Variants in DCDC1 observed in about 807,000 individuals in gnomAD.
DCDC1 encodes the protein doublecortin domain containing 1.
DCDC1 carries 200 observed loss-of-function variants against 178.3 expected under a neutral mutation model. The observed-to-expected ratio is 1.12, with a 90% CI of 1.00 to 1.26. The LOEUF is 1.26. DCDC1 is among the 50% of genes most tolerant of loss of function. The pLI, the probability that DCDC1 is intolerant of heterozygous loss-of-function variation, is 0.00. For missense variants in DCDC1, 1,983 were observed against 1,749.2 expected (o/e 1.13, Z -2.38); for synonymous variants, 690 against 604.8 (o/e 1.14, Z -2.07).
rs1048303471 is a variant in DCDC1 at position 31,187,272 on chromosome 11, T to C, written c.1222-49488A>G. ...TCTAATGCCATTGGTGCATGCCAAT[T>C]TGACTGCAAAGGTAACTGGAGATTT... On this transcript the variant is annotated intron_variant, in intron 9 of 38. Coordinates refer to ENST00000684477, the MANE Select transcript of DCDC1 (RefSeq NM_001387274.1). Among the ~76,000 whole-genome samples, 6 of 152,194 alleles carry C rather than the reference T, an allele frequency of 3.9e-5. No homozygotes were observed. The East Asian group carries it at 1.2e-3, about 29-fold the overall frequency.
intron 8 of DCDC1, among the ~76,000 whole-genome samples, chr11:31,251,522 C>A (rs190511132): frequency 8.6e-4 from 130 of 152,036 alleles, no homozygotes; most frequent in African/African-American, 2.9e-3. Context: ...TCTATTGGAT[C>A]TCCAGCTTGC....
At chr11:31,146,744 C>T (rs184770468) in intron 9 of DCDC1, among the ~76,000 whole-genome samples, 20 of 152,276 alleles carry the variant, frequency 1.3e-4, no homozygotes, top group African/African-American at 3.8e-4. Context: ...TTCTAACGTC[C>T]GGCTGAAACA....
chr11:31,356,325 C>G (rs577837947), intron 1 of DCDC1, among the ~76,000 whole-genome samples: 1 of 152,188 alleles, frequency 6.6e-6, no homozygotes, highest in Non-Finnish European at 1.5e-5. Context: ...ACAACCTGCT[C>G]CTGAATGACT....
intron 2 of DCDC1, among the ~76,000 whole-genome samples, chr11:31,328,594 A>C (rs112615364): frequency 1.3e-5 from 2 of 152,030 alleles, no homozygotes; most frequent in African/African-American, 2.4e-5. Flanking sequence ...GTCAGGAGAT[A>C]GAGACCATCC....
intron 6 of DCDC1, among the ~76,000 whole-genome samples, chr11:31,293,207 A>C (rs1039604385): frequency 1.3e-5 from 2 of 152,160 alleles, no homozygotes; most frequent in African/African-American, 4.8e-5. Context: ...GGAGTATATT[A>C]ATTGTTACAT....
chr11:30,986,029 A>T (rs899455238), intron 20 of DCDC1, among the ~76,000 whole-genome samples: 10 of 152,126 alleles, frequency 6.6e-5, no homozygotes, highest in African/African-American at 2.4e-4. Flanking sequence ...AACATGATAG[A>T]GGTATGTTTT....
At chr11:31,358,739 C>A (rs1356821200) in intron 1 of DCDC1, among the ~76,000 whole-genome samples, 6 of 151,956 alleles carry the variant, frequency 3.9e-5, no homozygotes, top group Non-Finnish European at 7.4e-5. Flanking sequence ...AACAAATTTA[C>A]AAGAAAAAAA....
intron 23 of DCDC1, 26 bp from the exon 24 acceptor site, chr11:30,922,664 T>C (rs777726528): frequency 6.8e-6 from 10 of 1,475,020 alleles, no homozygotes; most frequent in Admixed American, 3.4e-5. Flanking sequence ...TCTCTTATCC[T>C]GTATATAATT....
At position 31,010,137 on chromosome 11, in the gene DCDC1, T is replaced by C. The variant is rs575306072; in HGVS notation, c.2591+54332A>G. 5.3e-5 allele frequency among the ~76,000 whole-genome samples: 8 copies of C among 152,352 alleles called. No individual in the cohort carries two copies. In the South Asian group the frequency reaches 1.7e-3, roughly 32 times the overall value. On this transcript the variant is annotated intron_variant, in intron 20 of 38. Coordinates refer to ENST00000684477, the MANE Select transcript of DCDC1 (RefSeq NM_001387274.1). ...GTCCACTGATTCAAATGCTAATCTCTTCTGGAAACACCCTGACAGATATCT... is the reference window on the plus strand; with the variant it reads ...GTCCACTGATTCAAATGCTAATCTCCTCTGGAAACACCCTGACAGATATCT...
At chr11:31,065,310 C>T (rs1021270871) in intron 18 of DCDC1, among the ~76,000 whole-genome samples, 157 bp from the exon 19 acceptor site, 53 of 152,180 alleles carry the variant, frequency 3.5e-4, no homozygotes, top group African/African-American at 1.3e-3. Context: ...CAGAATCAAG[C>T]CAAATGACTT....
intron 9 of DCDC1, among the ~76,000 whole-genome samples, chr11:31,141,561 T>G (rs995192660): frequency 6.6e-6 from 1 of 152,176 alleles, no homozygotes; most frequent in Non-Finnish European, 1.5e-5. Context: ...TTTCATGAGA[T>G]CAATAGATCA....
At chr11:31,341,663 C>T (rs1317049404) in intron 1 of DCDC1, among the ~76,000 whole-genome samples, 1 of 152,094 alleles carries the variant, frequency 6.6e-6, no homozygotes, top group East Asian at 1.9e-4. Context: ...TGTATCTAAA[C>T]ATAGAAAAAG....
chr11:30,897,112 G>C (rs1273537434), intron 34 of DCDC1, among the ~76,000 whole-genome samples: 1 of 152,066 alleles, frequency 6.6e-6, no homozygotes, highest in Non-Finnish European at 1.5e-5. Flanking sequence ...TGTTTTATAA[G>C]CATGTGTTGA....
chr11:30,874,280 C>A, intron 38 of DCDC1, among the ~76,000 whole-genome samples: 1 of 152,134 alleles, frequency 6.6e-6, no homozygotes, highest in Non-Finnish European at 1.5e-5. Flanking sequence ...ATACCTTAGG[C>A]ATAGAGATTA....
At chr11:31,352,130 T>G (rs1479555194) in intron 1 of DCDC1, among the ~76,000 whole-genome samples, 1 of 152,106 alleles carries the variant, frequency 6.6e-6, no homozygotes, top group Non-Finnish European at 1.5e-5. Flanking sequence ...GGGGTGAAAT[T>G]TAAAACTTTG....
intron 7 of DCDC1, chr11:31,280,538 C>T (rs1162579447): frequency 1.4e-5 from 4 of 277,376 alleles, no homozygotes; most frequent in Non-Finnish European, 2.1e-5. Flanking sequence ...TAAATCAGGA[C>T]TGCCCAACAA....
chr11:31,107,376 C>G (rs1173344036), intron 12 of DCDC1, among the ~76,000 whole-genome samples: 1 of 152,128 alleles, frequency 6.6e-6, no homozygotes, highest in African/African-American at 2.4e-5. Flanking sequence ...TCTCCCTGTC[C>G]CCAGCAAATC....
At chr11:31,011,537 G>T (rs1333259779) in intron 20 of DCDC1, among the ~76,000 whole-genome samples, 2 of 152,126 alleles carry the variant, frequency 1.3e-5, no homozygotes, top group Non-Finnish European at 2.9e-5. Flanking sequence ...AGTCAGAGAA[G>T]GGCAAATGAT....
At chr11:30,984,523 T>A (rs574437885) in intron 20 of DCDC1, among the ~76,000 whole-genome samples, 45 of 152,210 alleles carry the variant, frequency 3.0e-4, no homozygotes, top group African/African-American at 1.1e-3. Context: ...TCAGGGTGAG[T>A]CAGTTAGACC....
Sources: gnomAD v4.1 joint callset for allele counts (sites outside exome capture counted in the v4.1 genomes callset) on GRCh38, gnomAD v4.1.1 for gene constraint, MANE v1.5 for transcripts, NCBI Gene and HGNC (gene_info 2026-07-23, HGNC 2026-07-21) for gene names.